GABRG3: variants seen among roughly 807,000 people sequenced by gnomAD.
GABRG3 encodes gamma-aminobutyric acid type A receptor subunit gamma3.
GABRG3 carries 25 observed loss-of-function variants against 48.8 expected under a neutral mutation model. The ratio of observed to expected loss-of-function variants is 0.51; its 90% CI spans 0.37 to 0.72. The LOEUF is 0.72. Among genes scored for constraint, GABRG3 ranks in the 30% least tolerant of loss-of-function variants. The probability of loss-of-function intolerance (pLI) is 0.00; values close to 1 mark genes in which losing one functional copy is unlikely to be tolerated. For synonymous variants in GABRG3, 227 were observed against 217.6 expected (o/e 1.04, Z -0.38); for missense variants, 394 against 577.9 (o/e 0.68, Z 3.26).
chr15:27,219,776 C>T lies in GABRG3; in HGVS notation c.271-107033C>T, dbSNP rs112154842. On this transcript the variant is annotated intron_variant, in intron 3 of 9. Transcript: ENST00000615808. ...GAAAACTGAATGCCTGTTCCCTCCT[C>T]GCCTTGCCTATAAAACATCTGCCTA... is the stretch of plus-strand genomic sequence containing the variant. Among the ~76,000 whole-genome samples the T allele has an allele frequency of 6.8e-3, 1,029 of 152,320 alleles. 10 individuals are homozygous for T. The highest frequency in any genetic ancestry group is 0.024 in the African/African-American group (980 of 41,572).
At chr15:27,419,274 C>G (rs970674707) in intron 5 of GABRG3, among the ~76,000 whole-genome samples, 2 of 152,112 alleles carry the variant, frequency 1.3e-5, no homozygotes, top group Non-Finnish European at 2.9e-5. Flanking sequence ...TCCCAACTTT[C>G]CAGGTACCCA....
In GABRG3 at chr15:27,533,187, C is replaced by T. The variant is rs1184905454; in HGVS notation, c.*306C>T. The T allele has an allele frequency of 6.6e-6, 2 of 303,140 alleles. No individual in the cohort carries two copies. Among genetic ancestry groups the T allele is most frequent in the South Asian group, 4.6e-5 (1 of 21,942 alleles). 18.8% of individuals were successfully genotyped at this position (303,140 alleles called of 1,614,324 possible). ...GATATTGGAAGCAGCCGCTGATTAC[C>T]CTTGCAAAGAAATCTGTAAAATGTG... On this transcript the variant is annotated 3_prime_UTR_variant, in exon 10 of 10. Transcript: ENST00000615808.
In GABRG3 at chr15:27,369,806, C is replaced by CAAAAAAAAAAAAAAAA. The variant is rs34901488; in HGVS notation, c.574+40931_574+40946dup. ...TGGGCGACAGAGTGAGACTCCGTCT[C>CAAAAAAAAAAAAAAAA]AAAAAAAAAAAAAAAAAAAAAAAAA... On this transcript the variant is annotated intron_variant, in intron 5 of 9. Transcript: ENST00000615808. Among the ~76,000 whole-genome samples, 4 of 30,272 alleles carry CAAAAAAAAAAAAAAAA rather than the reference C, an allele frequency of 1.3e-4. 1 individual carries two copies. Among genetic ancestry groups the CAAAAAAAAAAAAAAAA allele is most frequent in the African/African-American group, 3.6e-4 (4 of 11,136 alleles). 19.9% of individuals were successfully genotyped at this position (30,272 alleles called of 152,430 possible).
intron 5 of GABRG3, among the ~76,000 whole-genome samples, chr15:27,472,086 A>G (rs1889802755): frequency 6.6e-6 from 1 of 152,200 alleles, no homozygotes; most frequent in Admixed American, 6.5e-5. Flanking sequence ...ATGCAAGAAT[A>G]TAGTGTGTCT....
intron 3 of GABRG3, among the ~76,000 whole-genome samples, chr15:27,173,180 C>T (rs1887628992): frequency 6.6e-6 from 1 of 152,190 alleles, no homozygotes; most frequent in Non-Finnish European, 1.5e-5. Flanking sequence ...CATTTTCTAG[C>T]TCTAAAGTTG....
At chr15:27,509,505 T>C (rs1890846671) in intron 6 of GABRG3, among the ~76,000 whole-genome samples, 1 of 152,206 alleles carries the variant, frequency 6.6e-6, no homozygotes, top group Non-Finnish European at 1.5e-5. Context: ...TTTTCACAGC[T>C]CTTGGTTTCT....
chr15:27,424,966 CT>C (rs1296163130), intron 5 of GABRG3, among the ~76,000 whole-genome samples: 2 of 152,168 alleles, frequency 1.3e-5, no homozygotes, highest in Non-Finnish European at 2.9e-5. Context: ...AGCTTGACCT[CT>C]GGAGGGGCTA....
chr15:27,285,977 C>G (rs368583962), intron 3 of GABRG3, among the ~76,000 whole-genome samples: 1 of 152,200 alleles, frequency 6.6e-6, no homozygotes, highest in East Asian at 1.9e-4. Flanking sequence ...GTAGGATCTT[C>G]GTAAATATTT....
chr15:27,419,909 T>C (rs766281970), intron 5 of GABRG3, among the ~76,000 whole-genome samples: 4 of 152,222 alleles, frequency 2.6e-5, no homozygotes, highest in Non-Finnish European at 5.9e-5. Flanking sequence ...CAAAACTTCT[T>C]TGATGTCTTT....
At chr15:27,153,025 T>C (rs1898348480) in intron 3 of GABRG3, among the ~76,000 whole-genome samples, 1 of 152,088 alleles carries the variant, frequency 6.6e-6, no homozygotes, top group Admixed American at 6.5e-5. Context: ...CACTCCCGGC[T>C]AATTTTTTGT....
chr15:27,522,802 T>A (rs1300666192), intron 7 of GABRG3, among the ~76,000 whole-genome samples: 1 of 151,858 alleles, frequency 6.6e-6, no homozygotes, highest in Non-Finnish European at 1.5e-5. Context: ...GAGCTTCATA[T>A]TAAAAGCAAC....
chr15:27,307,765 TAAAC>T (rs2140501675), intron 3 of GABRG3, among the ~76,000 whole-genome samples: 1 of 119,182 alleles, frequency 8.4e-6, no homozygotes, highest in Non-Finnish European at 1.6e-5. Flanking sequence ...ACATATAAAA[TAAAC>T]ATATGTTTAT....
intron 3 of GABRG3, among the ~76,000 whole-genome samples, chr15:27,292,993 C>T (rs537482663): frequency 1.3e-5 from 2 of 152,292 alleles, no homozygotes; most frequent in South Asian, 4.1e-4. Context: ...TAATCCTGAA[C>T]TAATAGCTTA....
At chr15:27,509,198 T>C (rs939356773) in intron 6 of GABRG3, among the ~76,000 whole-genome samples, 5 of 152,218 alleles carry the variant, frequency 3.3e-5, no homozygotes, top group African/African-American at 9.6e-5. Context: ...CTTATCCTTT[T>C]TGCTCCTCTG....
At chr15:27,341,011 C>T (rs1331885603) in intron 5 of GABRG3, 1 of 511,498 alleles carries the variant, frequency 2.0e-6, no homozygotes, top group Admixed American at 2.0e-5. Context: ...ATGGCTGGAA[C>T]ACTGTGCTGA....
intron 3 of GABRG3, among the ~76,000 whole-genome samples, chr15:27,100,474 T>TTTTA (rs1897337205): frequency 6.6e-6 from 1 of 152,202 alleles, no homozygotes. Flanking sequence ...CCCCATCATT[T>TTTTA]TTTATGAAGC....
chr15:27,014,337 ATTTC>A (rs1482448995), intron 2 of GABRG3, among the ~76,000 whole-genome samples: 1 of 145,602 alleles, frequency 6.9e-6, no homozygotes, highest in Non-Finnish European at 1.5e-5. Flanking sequence ...CTTCAGCTAC[ATTTC>A]TTTATTTTTT....
chr15:27,257,795 T>C (rs1216443123), intron 3 of GABRG3, among the ~76,000 whole-genome samples: 2 of 151,496 alleles, frequency 1.3e-5, no homozygotes, highest in Non-Finnish European at 2.9e-5. Context: ...ACTATGTGCA[T>C]GCACCACCAC....
intron 6 of GABRG3, among the ~76,000 whole-genome samples, chr15:27,499,947 C>G (rs980203979): frequency 2.6e-5 from 4 of 152,202 alleles, no homozygotes; most frequent in Non-Finnish European, 5.9e-5. Context: ...GGCAGCTGGG[C>G]TGCTTGAGAG....
Sources: gnomAD v4.1 joint callset for allele counts (sites outside exome capture counted in the v4.1 genomes callset) on GRCh38, gnomAD v4.1.1 for gene constraint, MANE v1.5 for transcripts, NCBI Gene and HGNC (gene_info 2026-07-23, HGNC 2026-07-21) for gene names.